URGCP: variants seen among roughly 807,000 people sequenced by gnomAD.
URGCP encodes the protein upregulator of cell proliferation.
URGCP carries 13 observed loss-of-function variants against 24.6 expected under a neutral mutation model. That is an observed-to-expected ratio of 0.53 (90% confidence interval 0.34 to 0.84). URGCP has a LOEUF of 0.84. Among genes scored for constraint, URGCP ranks in the 40% least tolerant of loss-of-function variants. URGCP has a pLI of 0.01. For synonymous variants in URGCP, 444 were observed against 487.2 expected (o/e 0.91, Z 1.17); for missense variants, 899 against 1,194.3 (o/e 0.75, Z 3.64).
intron 1 of URGCP, among the ~76,000 whole-genome samples, chr7:43,914,483 T>C (rs1015408686): frequency 6.6e-6 from 1 of 152,112 alleles, no homozygotes; most frequent in Non-Finnish European, 1.5e-5. Context: ...CCAGCCTGGG[T>C]GGCAGGATGA....
At chr7:43,880,150 C>T (rs755023395) in intron 5 of URGCP, among the ~76,000 whole-genome samples, 4 of 152,150 alleles carry the variant, frequency 2.6e-5, no homozygotes, top group Non-Finnish European at 4.4e-5. Context: ...GTCTCGAACC[C>T]AGACTCAAGC....
At chr7:43,913,029 TTAG>T (rs2095911748) in intron 1 of URGCP, among the ~76,000 whole-genome samples, 1 of 151,970 alleles carries the variant, frequency 6.6e-6, no homozygotes, top group Non-Finnish European at 1.5e-5. Context: ...TTTTATATTT[TTAG>T]TAGAGACAGG....
chr7:43,915,159 T>G (rs571777988), intron 1 of URGCP, among the ~76,000 whole-genome samples: 12 of 152,276 alleles, frequency 7.9e-5, no homozygotes, highest in African/African-American at 2.9e-4. Context: ...TAAATTCTGC[T>G]CTCCTCACCT....
intron 3 of URGCP, among the ~76,000 whole-genome samples, chr7:43,885,926 T>C (rs1562576425): frequency 6.6e-6 from 1 of 152,234 alleles, no homozygotes; most frequent in Non-Finnish European, 1.5e-5. Context: ...AATAGCATAA[T>C]TCTAGATGTG....
chr7:43,909,165 A>G (rs190892161), upstream of URGCP, among the ~76,000 whole-genome samples: 97 of 152,336 alleles, frequency 6.4e-4, no homozygotes, highest in Non-Finnish European at 1.1e-3. Flanking sequence ...TCTGAAACAT[A>G]TATACTCTGT....
In URGCP at chr7:43,879,092, G is replaced by C. The variant is rs2095850169; in HGVS notation, c.371C>G (p.Ala124Gly). 4 of 1,614,064 alleles carry C rather than the reference G, an allele frequency of 2.5e-6. No homozygotes were observed. The highest frequency in any genetic ancestry group is 2.5e-6 in the Non-Finnish European group (3 of 1,180,038). ...LPWNFLRKLQ[A>G]LNADARNTTM... The stretch of plus-strand genomic sequence containing the variant: ...GGTATTCCTGGCATCAGCATTGAGG[G>C]CCTGCAACTTCCTGAGGAAATTCCA... The change falls in exon 6 of 6, where the codon GCC becomes GGC. Residue 124 changes from alanine (A) to glycine (G), a missense_variant. Coordinates refer to ENST00000453200, the MANE Select transcript of URGCP (RefSeq NM_001077663.3).
At chr7:43,885,649 T>C (rs1406629823) in intron 3 of URGCP, among the ~76,000 whole-genome samples, 1 of 152,160 alleles carries the variant, frequency 6.6e-6, no homozygotes, top group Non-Finnish European at 1.5e-5. Flanking sequence ...TTAGAGGTCA[T>C]AGTTAAAAGT....
chr7:43,911,424 G>A (rs1270187227), upstream of URGCP, among the ~76,000 whole-genome samples: 1 of 151,628 alleles, frequency 6.6e-6, no homozygotes, highest in Non-Finnish European at 1.5e-5. Context: ...GGCCAGGCGC[G>A]GTGGCTCACG....
intron 1 of URGCP, among the ~76,000 whole-genome samples, chr7:43,900,631 G>A (rs1256139058): frequency 6.6e-6 from 1 of 152,054 alleles, no homozygotes; most frequent in Non-Finnish European, 1.5e-5. Context: ...GTGTTGCCCA[G>A]GCTTAAGTGC....
chr7:43,897,316 G>A (rs1244369898), intron 1 of URGCP, among the ~76,000 whole-genome samples: 2 of 152,256 alleles, frequency 1.3e-5, no homozygotes, highest in Non-Finnish European at 2.9e-5. Context: ...GAATGGTGGT[G>A]GGGAGCGCAG....
upstream of URGCP, among the ~76,000 whole-genome samples, chr7:43,907,546 G>A (rs1264372517): frequency 7.2e-6 from 1 of 139,316 alleles, no homozygotes; most frequent in Non-Finnish European, 1.5e-5. Context: ...ATTTAAAAAT[G>A]TTTACTACTA....
chr7:43,921,815 T>C (rs544421999), intron 1 of URGCP, among the ~76,000 whole-genome samples: 1 of 152,356 alleles, frequency 6.6e-6, no homozygotes, highest in Admixed American at 6.5e-5. Context: ...AGAAATTCTG[T>C]GTGTGAACAC....
chr7:43,908,308 C>T (rs2095906415), upstream of URGCP, among the ~76,000 whole-genome samples: 1 of 152,188 alleles, frequency 6.6e-6, no homozygotes, highest in African/African-American at 2.4e-5. Context: ...AAACTCCCAA[C>T]CTCAGGTGAT....
intron 1 of URGCP, among the ~76,000 whole-genome samples, chr7:43,889,993 C>T (rs996050471): frequency 1.3e-5 from 2 of 151,640 alleles, no homozygotes; most frequent in African/African-American, 4.8e-5. Context: ...CAACCTCCGT[C>T]TCCTGGGTTC....
Position 43,877,147 on chromosome 7 carries a change from A to G in URGCP, c.2316T>C (p.Ala772=), listed in dbSNP as rs371242992. 2.5e-5 allele frequency: 40 copies of G among 1,614,096 alleles called. No individual in the cohort carries two copies. Among genetic ancestry groups the G allele is most frequent in the Non-Finnish European group, 1.6e-5 (19 of 1,180,032 alleles). The change falls in exon 6 of 6, where the codon GCT becomes GCC. Residue 772 remains alanine, a synonymous_variant. Coordinates refer to ENST00000453200, the MANE Select transcript of URGCP (RefSeq NM_001077663.3). ...GTCCCATGAGCAGAGTGGCCAAGGA[A>G]GCCTCCAGCTCAAATCTGTCCCCAG... ...TSAGDRFELE[A]SLATLLMGLS... is the part of the protein sequence containing the mutation.
chr7:43,898,335 T>A (rs941484811), intron 1 of URGCP, among the ~76,000 whole-genome samples: 33 of 152,170 alleles, frequency 2.2e-4, no homozygotes, highest in African/African-American at 7.7e-4. Context: ...ATTATACAAA[T>A]AGGTTAGAAA....
chr7:43,878,442 T>G lies in URGCP; in HGVS notation c.1021A>C (p.Ile341Leu), dbSNP rs757642113. The G allele has an allele frequency of 6.2e-7, 1 of 1,614,186 alleles. No homozygotes were observed. The part of the protein sequence containing the change: ...PVAFLNLRGD[I>L]GSHWLQFKLL... ...TTAAACTGCAGCCAGTGAGACCCGA[T>G]GTCACCTCTCAGGTTCAGAAAGGCC... The change falls in exon 6 of 6, where the codon ATC (isoleucine) becomes CTC (leucine). Residue 341 changes from isoleucine to leucine, a missense_variant. Transcript: ENST00000453200. This position sits in a 1 kb window ranked among gnomAD's most constrained non-coding sequence, Gnocchi z 5.6.
chr7:43,899,174 AATAT>A (rs1242923112), intron 1 of URGCP, among the ~76,000 whole-genome samples: 2 of 147,762 alleles, frequency 1.4e-5, no homozygotes, highest in African/African-American at 4.9e-5. Flanking sequence ...TTTTTATATA[AATAT>A]ATATTTATAA....
chr7:43,906,453 G>C, intron 1 of URGCP, 109 bp downstream of exon 1: 1 of 1,056,344 alleles, frequency 9.5e-7, no homozygotes, highest in Non-Finnish European at 1.1e-6. Flanking sequence ...CCCCTGGCCG[G>C]GTCCGGGCCG....
Sources: gnomAD v4.1 joint callset for allele counts (sites outside exome capture counted in the v4.1 genomes callset) on GRCh38, gnomAD v4.1.1 for gene constraint, Gnocchi (gnomAD v3.1) non-coding constraint, MANE v1.5 for transcripts, NCBI Gene and HGNC (gene_info 2026-07-23, HGNC 2026-07-21) for gene names.